UVRAG: variants seen among roughly 807,000 people sequenced by gnomAD.
UVRAG encodes UV radiation resistance associated.
UVRAG carries 19 observed loss-of-function variants against 78.0 expected under a neutral mutation model. That is an observed-to-expected ratio of 0.24 (90% CI 0.17 to 0.36). The LOEUF (loss-of-function observed/expected upper bound fraction) is 0.36, where lower values mean the gene tolerates loss of function less well. Ranked by LOEUF, UVRAG falls within the 10% of genes least tolerant of loss-of-function variation. The probability of loss-of-function intolerance (pLI) is 1.00; values close to 1 mark genes in which losing one functional copy is unlikely to be tolerated. For missense variants in UVRAG, 740 were observed against 853.8 expected (o/e 0.87, Z 1.66); for synonymous variants, 323 against 324.6 (o/e 1.00, Z 0.05).
intron 13 of UVRAG, among the ~76,000 whole-genome samples, chr11:76,101,372 G>T (rs567278007): frequency 6.6e-6 from 1 of 152,004 alleles, no homozygotes; most frequent in African/African-American, 2.4e-5. Context: ...TCATATACTT[G>T]TTGGTTGCAT....
intron 6 of UVRAG, among the ~76,000 whole-genome samples, chr11:75,921,982 G>A (rs918299342): frequency 1.3e-5 from 2 of 151,952 alleles, no homozygotes; most frequent in Non-Finnish European, 2.9e-5. Flanking sequence ...AGTAAGGCAC[G>A]TCCTGTTGCT....
chr11:75,853,680 C>T lies in UVRAG; in HGVS notation c.235+1680C>T, dbSNP rs181697152. On this transcript the variant is annotated intron_variant, in intron 2 of 14. Coordinates refer to ENST00000356136, the MANE Select transcript of UVRAG (RefSeq NM_003369.4). ...AATTTTTAAGGATGGGAAAAGGACT[C>T]TAAATTCCACTATCCTCATGTAATT... Among the ~76,000 whole-genome samples, 422 of 151,886 alleles carry T rather than the reference C, an allele frequency of 2.8e-3. 1 individual carries two copies. Among genetic ancestry groups the T allele is most frequent in the Non-Finnish European group, 5.4e-3 (369 of 67,984 alleles).
At chr11:76,125,908 T>C (rs189057935) in intron 14 of UVRAG, among the ~76,000 whole-genome samples, 50 of 152,078 alleles carry the variant, frequency 3.3e-4, no homozygotes, top group Admixed American at 2.9e-3. Context: ...AATAGAAATA[T>C]AATATGAGCC....
At chr11:75,949,945 C>G (rs556712394) in intron 6 of UVRAG, among the ~76,000 whole-genome samples, 2 of 152,132 alleles carry the variant, frequency 1.3e-5, no homozygotes, top group East Asian at 3.9e-4. Context: ...ACTTTTCTTA[C>G]TGCCTTATCA....
intron 13 of UVRAG, among the ~76,000 whole-genome samples, chr11:76,087,275 A>G (rs767627377): frequency 6.6e-6 from 1 of 152,216 alleles, no homozygotes; most frequent in African/African-American, 2.4e-5. Flanking sequence ...AGTATTTACA[A>G]TTACAGATAT....
intron 7 of UVRAG, among the ~76,000 whole-genome samples, chr11:75,966,528 T>A (rs926553709): frequency 2.6e-5 from 4 of 152,208 alleles, no homozygotes; most frequent in African/African-American, 9.6e-5. Context: ...ATATTTCAAT[T>A]TTTGTCGACA....
chr11:76,105,494 T>C (rs1317782001), intron 13 of UVRAG, among the ~76,000 whole-genome samples: 12 of 152,190 alleles, frequency 7.9e-5, no homozygotes. Flanking sequence ...ACACCTGTAA[T>C]CCCAGCACTT....
intron 1 of UVRAG, among the ~76,000 whole-genome samples, chr11:75,822,904 C>T (rs10899135): frequency 0.17 from 25,735 of 151,836 alleles, 3,123 homozygotes; most frequent in African/African-American, 0.34. Flanking sequence ...AGCCCCTCTC[C>T]CCTTCCTGGA....
At chr11:75,974,774 T>C (rs1446234485) in intron 7 of UVRAG, among the ~76,000 whole-genome samples, 1 of 152,230 alleles carries the variant, frequency 6.6e-6, no homozygotes, top group Non-Finnish European at 1.5e-5. Flanking sequence ...ATTCTGGATA[T>C]TAGCCCTTTG....
intron 12 of UVRAG, among the ~76,000 whole-genome samples, chr11:76,028,037 A>C (rs1413184878): frequency 2.6e-5 from 4 of 152,142 alleles, no homozygotes; most frequent in Non-Finnish European, 5.9e-5. Context: ...GCATCAAGCA[A>C]GTCTGTCAGT....
chr11:76,031,267 A>G (rs1274965086), intron 12 of UVRAG, among the ~76,000 whole-genome samples: 2 of 152,200 alleles, frequency 1.3e-5, no homozygotes, highest in African/African-American at 4.8e-5. Context: ...AGCAAAGAAC[A>G]TGTTTTAAAA....
At chr11:75,992,849 C>G (rs575800290) in intron 8 of UVRAG, among the ~76,000 whole-genome samples, 8 of 152,256 alleles carry the variant, frequency 5.3e-5, no homozygotes, top group Admixed American at 2.0e-4. Context: ...ATTTGCTCAA[C>G]GAAGGTGAAA....
rs563298498 is a variant in UVRAG, at chr11:76,094,490, G to C, written c.1306-21434G>C. Among the ~76,000 whole-genome samples the C allele has an allele frequency of 9.2e-5, 14 of 152,228 alleles. No individual in the cohort carries two copies. In the East Asian group the frequency reaches 2.5e-3, roughly 27 times the overall value. On this transcript the variant is annotated intron_variant, in intron 13 of 14. Transcript: ENST00000356136. ...TTGGCTGTGAATCCGTCTGGTCCTG[G>C]ACTTTTTTTGGTTGGTAGGCTATCA...
chr11:75,966,957 G>A (rs554569389), intron 7 of UVRAG, among the ~76,000 whole-genome samples: 4 of 152,224 alleles, frequency 2.6e-5, no homozygotes, highest in Admixed American at 2.6e-4. Flanking sequence ...CTCTATTCTG[G>A]TATACTTGAT....
At chr11:76,095,626 G>C (rs1248999727) in intron 13 of UVRAG, among the ~76,000 whole-genome samples, 30 of 151,066 alleles carry the variant, frequency 2.0e-4, no homozygotes, top group Admixed American at 2.0e-3. Context: ...CCAATGCTTT[G>C]GGAGGCCAAA....
In UVRAG at chr11:76,101,754, A is replaced by G. The variant is rs142170708; in HGVS notation, c.1306-14170A>G. Among the ~76,000 whole-genome samples, 4 of 152,084 alleles carry G rather than the reference A, an allele frequency of 2.6e-5. No homozygotes were observed. In the East Asian group the frequency reaches 7.7e-4, roughly 29 times the overall value. ...TTTAATCCATCTTGAATTCATTTTTATGTATGGCATAAGGAAGGGGGTTCA... is the reference window on the plus strand; with the variant it reads ...TTTAATCCATCTTGAATTCATTTTTGTGTATGGCATAAGGAAGGGGGTTCA... On this transcript the variant is annotated intron_variant, in intron 13 of 14. Coordinates refer to ENST00000356136, the MANE Select transcript of UVRAG (RefSeq NM_003369.4).
intron 1 of UVRAG, among the ~76,000 whole-genome samples, chr11:75,837,331 A>C (rs1945806828): frequency 6.6e-6 from 1 of 150,962 alleles, no homozygotes; most frequent in Admixed American, 6.6e-5. Context: ...TGTCTCAAAA[A>C]AAAAAAAAAA....
intron 14 of UVRAG, chr11:76,137,573 C>T (rs1473553257): frequency 2.5e-6 from 1 of 406,670 alleles, no homozygotes; most frequent in African/African-American, 2.1e-5. Flanking sequence ...ATTATCTCTC[C>T]AAAAATAACT....
intron 3 of UVRAG, among the ~76,000 whole-genome samples, chr11:75,868,266 A>T (rs1946577792): frequency 6.6e-6 from 1 of 152,238 alleles, no homozygotes; most frequent in African/African-American, 2.4e-5. Flanking sequence ...AGGAAAGTAG[A>T]AAGACAGGAG....
Sources: gnomAD v4.1 joint callset for allele counts (sites outside exome capture counted in the v4.1 genomes callset) on GRCh38, gnomAD v4.1.1 for gene constraint, MANE v1.5 for transcripts, NCBI Gene and HGNC (gene_info 2026-07-23, HGNC 2026-07-21) for gene names.